CDKAL1: variants seen among roughly 807,000 people sequenced by gnomAD.
The protein encoded by CDKAL1 is threonylcarbamoyladenosine tRNA methylthiotransferase.
CDKAL1 carries 32 observed loss-of-function variants against 68.2 expected under a neutral mutation model. That is an observed-to-expected ratio of 0.47 (90% confidence interval 0.35 to 0.63). The LOEUF is 0.63. Among genes scored for constraint, CDKAL1 ranks in the 30% least tolerant of loss-of-function variants. The pLI, the probability that CDKAL1 is intolerant of heterozygous loss-of-function variation, is 0.00. For synonymous variants in CDKAL1, 234 were observed against 244.3 expected, an observed-to-expected ratio of 0.96 and a Z score of 0.39; for missense variants, 606 against 696.7, an observed-to-expected ratio of 0.87 and a Z score of 1.47.
intron 8 of CDKAL1, among the ~76,000 whole-genome samples, chr6:20,813,601 T>G (rs560229229): frequency 6.6e-6 from 1 of 152,338 alleles, no homozygotes; most frequent in South Asian, 2.1e-4. Flanking sequence ...AGGTCTGTTA[T>G]TTGGTTTCAG....
At chr6:20,646,444 C>T (rs574386647) in intron 4 of CDKAL1, among the ~76,000 whole-genome samples, 3 of 150,960 alleles carry the variant, frequency 2.0e-5, no homozygotes, top group African/African-American at 4.9e-5. Context: ...ATAGTAAATA[C>T]TAAGTGATAG....
At chr6:20,954,046 G>A (rs1344576371) in intron 9 of CDKAL1, among the ~76,000 whole-genome samples, 1 of 152,150 alleles carries the variant, frequency 6.6e-6, no homozygotes, top group East Asian at 1.9e-4. Flanking sequence ...TTGTGTGGGT[G>A]TGGGTGAGGA....
chr6:21,007,350 A>C (rs1182385119), intron 11 of CDKAL1, among the ~76,000 whole-genome samples: 1 of 151,718 alleles, frequency 6.6e-6, no homozygotes, highest in East Asian at 1.9e-4. Context: ...GGATCCTGGG[A>C]GGCACTCGCC....
At chr6:20,587,562 A>G (rs1309505888) in intron 4 of CDKAL1, among the ~76,000 whole-genome samples, 15 of 148,338 alleles carry the variant, frequency 1.0e-4, no homozygotes, top group Non-Finnish European at 1.6e-4. Context: ...GTGAGACCCT[A>G]TCCTTACAAA....
chr6:20,951,689 A>G (rs1343369390), intron 9 of CDKAL1, among the ~76,000 whole-genome samples: 1 of 152,154 alleles, frequency 6.6e-6, no homozygotes, highest in East Asian at 1.9e-4. Flanking sequence ...AGGATGGTGG[A>G]CGATCTGATG....
At chr6:21,011,370 C>T (rs551120867) in intron 11 of CDKAL1, among the ~76,000 whole-genome samples, 4 of 151,682 alleles carry the variant, frequency 2.6e-5, no homozygotes, top group Admixed American at 6.6e-5. Context: ...GGTAATAGAG[C>T]GAGACTCTGT....
intron 8 of CDKAL1, among the ~76,000 whole-genome samples, chr6:20,834,982 A>G (rs12201027): frequency 6.6e-6 from 1 of 152,214 alleles, no homozygotes; most frequent in Non-Finnish European, 1.5e-5. Flanking sequence ...CTATTGACAC[A>G]CTGTGTAGTG....
intron 10 of CDKAL1, among the ~76,000 whole-genome samples, chr6:20,969,764 T>C (rs1303651653): frequency 6.6e-6 from 1 of 152,210 alleles, no homozygotes; most frequent in Admixed American, 6.5e-5. Flanking sequence ...TTCCTGTTTC[T>C]GCCAAGTATC....
intron 9 of CDKAL1, among the ~76,000 whole-genome samples, chr6:20,872,912 G>C (rs1377553856): frequency 2.6e-5 from 4 of 152,180 alleles, no homozygotes; most frequent in African/African-American, 9.6e-5. Context: ...AGTCACAAAT[G>C]ACCAAGGATT....
In CDKAL1 at chr6:20,588,759, C is replaced by T. The variant is rs192719019; in HGVS notation, c.286+40054C>T. On this transcript the variant is annotated intron_variant, in intron 4 of 15. Coordinates refer to ENST00000274695, the MANE Select transcript of CDKAL1 (RefSeq NM_017774.3). Reference sequence around the variant, plus strand: ...TAGTAAGTTAATGAGCTAGAGACCTCCTTTTAAAATAATCTCATCTATTTT... The same window carrying T: ...TAGTAAGTTAATGAGCTAGAGACCTTCTTTTAAAATAATCTCATCTATTTT... Among the ~76,000 whole-genome samples the T allele has an allele frequency of 1.6e-4, 24 of 152,208 alleles. No individual in the cohort carries two copies. The East Asian group carries it at 2.7e-3, about 17-fold the overall frequency.
intron 11 of CDKAL1, among the ~76,000 whole-genome samples, chr6:21,008,105 T>C (rs764947830): frequency 6.6e-6 from 1 of 152,012 alleles, no homozygotes; most frequent in Non-Finnish European, 1.5e-5. Flanking sequence ...AGGAGGAGTT[T>C]AGGTAGGAAA....
chr6:21,231,423 T>G lies in CDKAL1; in HGVS notation c.*384T>G, dbSNP rs983494858. ...GAATTTTCTATCTTTAATAAACTTTTTCTTTGTTTTTTTTTTCCAGATGGA... is the reference window on the plus strand; with the variant it reads ...GAATTTTCTATCTTTAATAAACTTTGTCTTTGTTTTTTTTTTCCAGATGGA... On this transcript the variant is annotated 3_prime_UTR_variant, in exon 16 of 16. Transcript: ENST00000274695. 4.4e-5 allele frequency: 7 copies of G among 157,966 alleles called. No individual in the cohort carries two copies. The highest frequency in any genetic ancestry group is 8.3e-5 in the Non-Finnish European group (6 of 72,060). The allele number at this position is 157,966 out of a possible 1,614,324, so 9.8% of individuals were successfully genotyped here.
At chr6:21,164,959 T>C (rs934244846) in intron 13 of CDKAL1, among the ~76,000 whole-genome samples, 1 of 152,204 alleles carries the variant, frequency 6.6e-6, no homozygotes, top group Non-Finnish European at 1.5e-5. Flanking sequence ...ACTGGGAAGA[T>C]TTCTCTTTAA....
chr6:20,656,941 T>G (rs1281999636), intron 5 of CDKAL1, among the ~76,000 whole-genome samples: 1 of 152,212 alleles, frequency 6.6e-6, no homozygotes, highest in African/African-American at 2.4e-5. Flanking sequence ...TAATTCTTAT[T>G]AAGATAACAC....
chr6:20,556,773 C>T (rs879708083), intron 4 of CDKAL1, among the ~76,000 whole-genome samples: 12 of 152,078 alleles, frequency 7.9e-5, no homozygotes, highest in Non-Finnish European at 1.8e-4. Context: ...TGTGGTGACT[C>T]ACACCTGTAA....
At chr6:20,875,162 G>T (rs1447022833) in intron 9 of CDKAL1, among the ~76,000 whole-genome samples, 1 of 151,662 alleles carries the variant, frequency 6.6e-6, no homozygotes, top group Admixed American at 6.6e-5. Context: ...AGCCGGGCGC[G>T]GTGGCAGGCG....
chr6:20,595,971 A>T (rs1202905706), intron 4 of CDKAL1, among the ~76,000 whole-genome samples: 1 of 152,202 alleles, frequency 6.6e-6, no homozygotes. Context: ...GGTCCACTCC[A>T]GACCCTGTTT....
chr6:20,787,040 A>G (rs1023296787), intron 8 of CDKAL1, among the ~76,000 whole-genome samples: 4 of 152,118 alleles, frequency 2.6e-5, no homozygotes, highest in Middle Eastern at 6.3e-3. Context: ...AGATACTCCT[A>G]TCAGATTATC....
At chr6:21,084,013 G>T (rs151171368) in intron 12 of CDKAL1, among the ~76,000 whole-genome samples, 1 of 152,190 alleles carries the variant, frequency 6.6e-6, no homozygotes, top group Non-Finnish European at 1.5e-5. Context: ...TAGCTGGTTT[G>T]TCTAGTTTCT....
Sources: allele counts gnomAD v4.1 joint callset (sites outside exome capture counted in the v4.1 genomes callset), GRCh38; gene constraint gnomAD v4.1.1; transcripts MANE v1.5; gene names NCBI Gene and HGNC (gene_info 2026-07-23, HGNC 2026-07-21).